The following GON4L variants were observed in gnomAD, a reference collection of about 807,000 sequenced individuals.
GON4L encodes GON-4-like protein.
Under a neutral mutation model 211.8 loss-of-function variants are expected in GON4L, and 87 were observed. That is an observed-to-expected ratio of 0.41 (90% CI 0.35 to 0.49). The LOEUF (loss-of-function observed/expected upper bound fraction) is 0.49. Ranked by LOEUF, GON4L falls within the 20% of genes least tolerant of loss-of-function variation. GON4L has a pLI of 0.15. For missense variants in GON4L, 2,155 were observed against 2,659.5 expected, an observed-to-expected ratio of 0.81 and a Z score of 4.17; for synonymous variants, 875 against 962.6, an observed-to-expected ratio of 0.91 and a Z score of 1.68.
intron 11 of GON4L, among the ~76,000 whole-genome samples, chr1:155,795,788 C>T (rs942963608): frequency 6.6e-6 from 1 of 152,130 alleles, no homozygotes; most frequent in African/African-American, 2.4e-5. Flanking sequence ...TAGGCACATG[C>T]CACCATGCCC....
intron 4 of GON4L, 94 bp from the exon 5 acceptor site, chr1:155,821,642 C>A: frequency 2.6e-6 from 2 of 770,238 alleles, no homozygotes; most frequent in South Asian, 2.7e-5. Context: ...ATGTACAGGA[C>A]AAATGAGAAC....
At chr1:155,768,997 A>C (rs940529121) in intron 19 of GON4L, among the ~76,000 whole-genome samples, 1 of 152,124 alleles carries the variant, frequency 6.6e-6, no homozygotes, top group African/African-American at 2.4e-5. Flanking sequence ...TTGATCTTTG[A>C]GACAGAGACT....
intron 2 of GON4L, among the ~76,000 whole-genome samples, chr1:155,828,807 CAA>C (rs34551835): frequency 2.3e-3 from 170 of 72,772 alleles, no homozygotes; most frequent in African/African-American, 8.1e-3. Flanking sequence ...GACTCTGTCT[CAA>C]AAAAAAAAAA....
Position 155,762,342 on chromosome 1 carries a change from T to A in GON4L, c.4759A>T (p.Asn1587Tyr). 1 of 1,612,566 alleles carries A rather than the reference T, an allele frequency of 6.2e-7. No individual in the cohort carries two copies. Among genetic ancestry groups the A allele is most frequent in the Non-Finnish European group, 8.5e-7 (1 of 1,178,668 alleles). Residue 1587 changes from asparagine to tyrosine, a missense_variant, in exon 23 of 32, where the codon AAC becomes TAC. Physicochemically the swap from Asn to Tyr is moderately radical, Grantham distance 143. Coordinates refer to ENST00000368331, the MANE Select transcript of GON4L (RefSeq NM_001282860.2). Reference protein sequence around the residue: ...ESIKAAGKGRNNHRARNKRGS... With the variant: ...ESIKAAGKGRYNHRARNKRGS... The stretch of plus-strand genomic sequence containing the variant: ...CGCTTGTTGCGAGCTCGATGATTGT[T>A]CCGGCCTTTTCCAGCAGCTTTGATG...
chr1:155,765,378 C>T lies in GON4L; in HGVS notation c.4095G>A (p.Leu1365=). The change falls in exon 21 of 32, where the codon TTG becomes TTA. Residue 1365 remains leucine, a synonymous_variant. Transcript: ENST00000368331. ...GTTTCGTTACTTCTCCAGCACTGCT[C>T]AACTCCTCGCTTGGGGCACCAGTGT... The part of the protein sequence containing the change: ...ELDTGAPSEE[L]SSAGEVTKQT... The T allele has an allele frequency of 1.2e-6, 2 of 1,614,184 alleles. No individual in the cohort carries two copies. Among genetic ancestry groups the T allele is most frequent in the Non-Finnish European group, 1.7e-6 (2 of 1,180,028 alleles).
upstream of GON4L, among the ~76,000 whole-genome samples, chr1:155,858,899 T>C (rs1403921644): frequency 6.6e-6 from 1 of 152,070 alleles, no homozygotes; most frequent in Non-Finnish European, 1.5e-5. Context: ...TTCACCATGC[T>C]GGCCAGGCTG....
chr1:155,829,036 T>C (rs1669493312), intron 2 of GON4L, among the ~76,000 whole-genome samples: 1 of 152,114 alleles, frequency 6.6e-6, no homozygotes, highest in Non-Finnish European at 1.5e-5. Context: ...TAGTTGAACA[T>C]TTTCTTTCAA....
chr1:155,814,403 C>T lies in GON4L; in HGVS notation c.1208G>A (p.Gly403Glu), dbSNP rs868800670. Residue 403 changes from glycine (G) to glutamate (E), a missense_variant, in exon 9 of 32, where the codon GGG (glycine) becomes GAG (glutamate). By Grantham distance (98) the Gly-to-Glu change is moderately conservative. This residue lies in a region of GON4L where 551 missense variants were observed against 854.0 expected (regional missense o/e 0.65). Transcript: ENST00000368331. ...CTGCCTCAATCTGGATTTCTTTGCC[C>T]CACGTGGAGATGAAGCAGTGCTTTC... ...DVESTASSPR[G>E]AKKSRLRQSS... 5.6e-6 allele frequency: 9 copies of T among 1,613,006 alleles called. No homozygotes were observed. The Middle Eastern group carries it at 4.9e-4, about 88-fold the overall frequency.
chr1:155,804,185 C>T (rs1314980846), intron 11 of GON4L, among the ~76,000 whole-genome samples: 1 of 151,614 alleles, frequency 6.6e-6, no homozygotes, highest in Non-Finnish European at 1.5e-5. Context: ...AGTTTAAGAC[C>T]AGCCTGAGCA....
chr1:155,802,160 C>T (rs1238441980), intron 11 of GON4L, among the ~76,000 whole-genome samples: 4 of 152,144 alleles, frequency 2.6e-5, no homozygotes, highest in African/African-American at 9.7e-5. Flanking sequence ...TATCAGTAGT[C>T]CCTCTGGGGA....
intron 14 of GON4L, among the ~76,000 whole-genome samples, chr1:155,783,522 C>T (rs1664629173): frequency 6.6e-6 from 1 of 152,186 alleles, no homozygotes; most frequent in South Asian, 2.1e-4. Flanking sequence ...CAACTTTAGG[C>T]AAAAAGGTCA....
intron 19 of GON4L, among the ~76,000 whole-genome samples, chr1:155,768,396 G>A (rs1457435519): frequency 6.6e-6 from 1 of 151,110 alleles, no homozygotes; most frequent in East Asian, 2.0e-4. Context: ...AGATCACGAG[G>A]TCAGGAGATT....
chr1:155,745,598 C>A (rs187306636), downstream of GON4L, among the ~76,000 whole-genome samples: 3 of 152,252 alleles, frequency 2.0e-5, no homozygotes, highest in African/African-American at 7.2e-5. Flanking sequence ...GCAGGAGCAA[C>A]GGCGTGGCCC....
At chr1:155,751,528 G>A (rs965057704) in intron 31 of GON4L, among the ~76,000 whole-genome samples, 2 of 152,134 alleles carry the variant, frequency 1.3e-5, no homozygotes, top group Admixed American at 6.6e-5. Flanking sequence ...CAGCCTAGGC[G>A]ACAAGTGAAA....
chr1:155,752,991 T>A (rs946883954), intron 29 of GON4L, among the ~76,000 whole-genome samples: 2 of 152,158 alleles, frequency 1.3e-5, no homozygotes, highest in Non-Finnish European at 2.9e-5. Context: ...TTGAATTGCA[T>A]GAAATTTGTG....
chr1:155,768,836 TA>T (rs1283452428), intron 19 of GON4L, among the ~76,000 whole-genome samples: 2 of 152,200 alleles, frequency 1.3e-5, no homozygotes, highest in South Asian at 2.1e-4. Flanking sequence ...AAATTCATGA[TA>T]ATATGGCTTA....
intron 10 of GON4L, among the ~76,000 whole-genome samples, chr1:155,808,239 A>G (rs1667345718): frequency 6.6e-6 from 1 of 151,990 alleles, no homozygotes; most frequent in Non-Finnish European, 1.5e-5. Context: ...GGGTTTTACC[A>G]TGTTGGCCAG....
intron 2 of GON4L, among the ~76,000 whole-genome samples, chr1:155,847,634 G>C (rs545979025): frequency 1.3e-5 from 2 of 152,048 alleles, no homozygotes; most frequent in African/African-American, 4.8e-5. Flanking sequence ...CCCAGGAGGT[G>C]GTGGTTGCAG....
At chr1:155,847,971 T>G (rs556511475) in intron 2 of GON4L, among the ~76,000 whole-genome samples, 1 of 143,782 alleles carries the variant, frequency 7.0e-6, no homozygotes, top group East Asian at 2.1e-4. Context: ...TGGCAACCCC[T>G]AGAAGTTACC....
Sources: gnomAD v4.1 joint callset for allele counts (sites outside exome capture counted in the v4.1 genomes callset) on GRCh38, gnomAD v4.1.1 for gene constraint, gnomAD v4.1.1 regional missense constraint, MANE v1.5 for transcripts, NCBI Gene and HGNC (gene_info 2026-07-23, HGNC 2026-07-21) for gene names.